The following ALDH6A1 variants were observed in gnomAD, a reference collection of about 807,000 sequenced individuals.
ALDH6A1 encodes the protein methylmalonate-semialdehyde/malonate-semialdehyde dehydrogenase [acylating], mitochondrial.
A neutral mutation model predicts 62.6 loss-of-function variants in ALDH6A1; 43 were observed. That is an observed-to-expected ratio of 0.69 (90% CI 0.54 to 0.89). The LOEUF is 0.89. Ranked by LOEUF, ALDH6A1 falls within the 40% of genes least tolerant of loss-of-function variation. The pLI is 0.00. For missense variants in ALDH6A1, 551 were observed against 661.3 expected, an observed-to-expected ratio of 0.83 and a Z score of 1.83; for synonymous variants, 194 against 234.2, an observed-to-expected ratio of 0.83 and a Z score of 1.57.
intron 10 of ALDH6A1, 67 bp downstream of exon 10, chr14:74,065,114 A>AT: frequency 1.3e-6 from 2 of 1,577,956 alleles, no homozygotes; most frequent in Non-Finnish European, 1.7e-6. Context: ...ACTCACCATT[A>AT]TTTACTGTTT....
At position 74,060,553 on chromosome 14, in the gene ALDH6A1, G is replaced by C; in HGVS notation, c.*89C>G. On this transcript the variant is annotated 3_prime_UTR_variant, in exon 12 of 12. Transcript: ENST00000553458. ...AGTTACAATGTATTCCAATCCCATCGATCTGATCTGAGCAAAGCTGACAAA... is the reference window on the plus strand; with the variant it reads ...AGTTACAATGTATTCCAATCCCATCCATCTGATCTGAGCAAAGCTGACAAA... The C allele has an allele frequency of 2.0e-6, 2 of 980,684 alleles. No individual in the cohort carries two copies. The highest frequency in any genetic ancestry group is 3.3e-6 in the Non-Finnish European group (2 of 603,990). The allele number at this position is 980,684 out of a possible 1,614,324, so 60.7% of individuals were successfully genotyped here.
Position 74,059,589 on chromosome 14 carries a change from G to C in ALDH6A1, c.*1053C>G, listed in dbSNP as rs972788233. On this transcript the variant is annotated 3_prime_UTR_variant, in exon 12 of 12. Transcript: ENST00000553458. The stretch of plus-strand genomic sequence containing the variant: ...GCATGCCTGTAATCCCAGCTACTAG[G>C]GGGGCTGAGGCAGGAGAATCGCTTG... 7.5e-6 allele frequency: 2 copies of C among 265,742 alleles called. No homozygotes were observed. Among genetic ancestry groups the C allele is most frequent in the Non-Finnish European group, 1.5e-5 (2 of 134,344 alleles). The allele number at this position is 265,742 out of a possible 1,614,324, so 16.5% of individuals were successfully genotyped here.
At chr14:74,069,516 C>T (rs1047516635) in intron 6 of ALDH6A1, among the ~76,000 whole-genome samples, 5 of 151,728 alleles carry the variant, frequency 3.3e-5, no homozygotes, top group Admixed American at 1.3e-4. Context: ...TTTGGGAGGC[C>T]GAGGCAGGTG....
intron 6 of ALDH6A1, 140 bp from the exon 7 acceptor site, chr14:74,069,121 T>C (rs1377890623): frequency 6.3e-6 from 6 of 949,778 alleles, no homozygotes; most frequent in African/African-American, 3.4e-5. Flanking sequence ...TTTTTTTTTT[T>C]TGAGACGGAG....
At chr14:74,072,899 G>C (rs974459178) in intron 2 of ALDH6A1, among the ~76,000 whole-genome samples, 1 of 151,480 alleles carries the variant, frequency 6.6e-6, no homozygotes, top group Non-Finnish European at 1.5e-5. Flanking sequence ...TCCCGGGTTC[G>C]AGCAATTCTC....
At chr14:74,072,167 G>A in intron 4 of ALDH6A1, 36 bp downstream of exon 4, 1 of 1,614,010 alleles carries the variant, frequency 6.2e-7, no homozygotes, top group South Asian at 1.1e-5. Context: ...TGCCCTAGGT[G>A]ACAGTTTGGA....
intron 1 of ALDH6A1, among the ~76,000 whole-genome samples, chr14:74,084,091 T>G (rs984365233): frequency 1.3e-5 from 2 of 149,916 alleles, no homozygotes; most frequent in African/African-American, 2.5e-5. Context: ...AGAAGGAGAG[T>G]GGGCGAGAGC....
At chr14:74,069,308 T>G in intron 6 of ALDH6A1, 4 of 342,244 alleles carry the variant, frequency 1.2e-5, no homozygotes, top group South Asian at 9.4e-5. Context: ...TTCACAATCT[T>G]GGCCAGGCTG....
In ALDH6A1 at chr14:74,084,446, C is replaced by T; in HGVS notation, c.-52G>A. ...CCCGCGCCTCTACTGCCCAGAAGCACTACAGCTGCCAGGCCTCGCCCTCCA... is the reference window on the plus strand; with the variant it reads ...CCCGCGCCTCTACTGCCCAGAAGCATTACAGCTGCCAGGCCTCGCCCTCCA... On this transcript the variant is annotated 5_prime_UTR_variant, in exon 1 of 12. It adds an upstream start codon to the 5' untranslated region. Coordinates refer to ENST00000553458, the MANE Select transcript of ALDH6A1 (RefSeq NM_005589.4). The T allele has an allele frequency of 6.2e-7, 1 of 1,603,566 alleles. No homozygotes were observed. The highest frequency in any genetic ancestry group is 8.5e-7 in the Non-Finnish European group (1 of 1,176,562).
At chr14:74,080,525 G>C (rs116474980) in intron 1 of ALDH6A1, among the ~76,000 whole-genome samples, 2,076 of 151,894 alleles carry the variant, frequency 0.014, 46 homozygotes, top group African/African-American at 0.046. Flanking sequence ...ACACGACCTC[G>C]CTCTCAGGCT....
At chr14:74,077,737 A>G (rs1376230206) in intron 1 of ALDH6A1, among the ~76,000 whole-genome samples, 1 of 152,190 alleles carries the variant, frequency 6.6e-6, no homozygotes, top group East Asian at 1.9e-4. Flanking sequence ...TTAAATTTCA[A>G]CATGAGTTTT....
chr14:74,068,204 C>T (rs2060499158), intron 7 of ALDH6A1, among the ~76,000 whole-genome samples: 1 of 150,620 alleles, frequency 6.6e-6, no homozygotes, highest in African/African-American at 2.4e-5. Flanking sequence ...GGCCAAGAAA[C>T]CCTGTCTCTA....
In ALDH6A1 at chr14:74,074,574, G is replaced by A. The variant is rs138518865; in HGVS notation, c.111+381C>T. ...TGCTGGGACACTAAATTTTTAAAGC[G>A]GTCTATGAACCAAAAAATGGTGACC... On this transcript the variant is annotated intron_variant, in intron 2 of 11. Coordinates refer to ENST00000553458, the MANE Select transcript of ALDH6A1 (RefSeq NM_005589.4). Among the ~76,000 whole-genome samples the A allele has an allele frequency of 1.4e-3, 208 of 152,126 alleles. 1 individual carries two copies. The highest frequency in any genetic ancestry group is 4.7e-3 in the African/African-American group (195 of 41,494).
At chr14:74,065,066 G>A in intron 10 of ALDH6A1, 115 bp downstream of exon 10, 1 of 1,405,742 alleles carries the variant, frequency 7.1e-7, no homozygotes, top group Non-Finnish European at 1.0e-6. Flanking sequence ...AAGAAATGGG[G>A]CAATGTGGGA....
intron 2 of ALDH6A1, among the ~76,000 whole-genome samples, chr14:74,073,704 G>T (rs2060578959): frequency 6.6e-6 from 1 of 151,952 alleles, no homozygotes; most frequent in Admixed American, 6.6e-5. Context: ...ATCAGTTGAA[G>T]TCAGGAGTTC....
At chr14:74,060,928 A>C (rs1320534438) in intron 11 of ALDH6A1, among the ~76,000 whole-genome samples, 182 bp from the exon 12 acceptor site, 1 of 152,056 alleles carries the variant, frequency 6.6e-6, no homozygotes, top group Admixed American at 6.6e-5. Flanking sequence ...AATACCTGGC[A>C]GATAGTAAAC....
At chr14:74,067,665 G>T in intron 7 of ALDH6A1, 96 bp from the exon 8 acceptor site, 1 of 1,325,126 alleles carries the variant, frequency 7.5e-7, no homozygotes, top group Non-Finnish European at 1.1e-6. Flanking sequence ...GCTAATGCCT[G>T]TAATCCCAGC....
chr14:74,056,988 C>G lies in ALDH6A1; in HGVS notation c.*3654G>C. On this transcript the variant is annotated 3_prime_UTR_variant, in exon 12 of 12. Transcript: ENST00000553458. ...GGAAACAAAGGAATTTGGGTAAGAG[C>G]TCTCTTGCTTAAGTAATAAACATGA... 2 of 1,610,714 alleles carry G rather than the reference C, an allele frequency of 1.2e-6. No homozygotes were observed. The highest frequency in any genetic ancestry group is 2.2e-5 in the South Asian group (2 of 90,902).
chr14:74,084,314 G>C, intron 1 of ALDH6A1, 33 bp downstream of exon 1: 1 of 1,613,676 alleles, frequency 6.2e-7, no homozygotes, highest in Non-Finnish European at 8.5e-7. Context: ...CCAATTCCTA[G>C]CTTCATGGTG....
Sources: gnomAD v4.1 joint callset for allele counts (sites outside exome capture counted in the v4.1 genomes callset) on GRCh38, gnomAD v4.1.1 for gene constraint, MANE v1.5 for transcripts, NCBI Gene and HGNC (gene_info 2026-07-23, HGNC 2026-07-21) for gene names.